The following CAST variants were observed in gnomAD, a reference collection of about 807,000 sequenced individuals.
CAST encodes the protein calpastatin.
In CAST, 76 loss-of-function variants were observed where a neutral mutation model predicts 119.6. That is an observed-to-expected ratio of 0.64 (90% CI 0.53 to 0.77). The LOEUF is 0.77. CAST is among the 30% of genes least tolerant of loss of function. The probability of loss-of-function intolerance (pLI) is 0.00; values close to 1 mark genes in which losing one functional copy is unlikely to be tolerated. For missense variants in CAST, 953 were observed against 946.5 expected, an observed-to-expected ratio of 1.01 and a Z score of -0.09; for synonymous variants, 319 against 331.6, an observed-to-expected ratio of 0.96 and a Z score of 0.41.
At chr5:96,469,867 A>G in the CAST span, among the ~76,000 whole-genome samples, 38 of 102,314 alleles carry the variant, frequency 3.7e-4, no homozygotes, top group South Asian at 5.8e-3. Context: ...ATGTGTGTGT[A>G]TATATATATA....
the CAST span, among the ~76,000 whole-genome samples, chr5:96,477,998 T>C: frequency 5.3e-5 from 8 of 152,340 alleles, no homozygotes; most frequent in African/African-American, 1.9e-4. Flanking sequence ...TGCCCCTGAT[T>C]CACATGGCTA....
At chr5:96,174,045 A>C in the CAST span, among the ~76,000 whole-genome samples, 1 of 152,116 alleles carries the variant, frequency 6.6e-6, no homozygotes, top group East Asian at 1.9e-4. Flanking sequence ...CCCGGCCTGA[A>C]CTTATTTTTT....
intron 24 of CAST, among the ~76,000 whole-genome samples, chr5:96,758,397 A>G (rs1766825592): frequency 1.3e-5 from 2 of 152,316 alleles, no homozygotes; most frequent in South Asian, 4.1e-4. Flanking sequence ...TAGGATTTTC[A>G]TGGCTTTTTA....
the CAST span, among the ~76,000 whole-genome samples, chr5:96,134,782 C>T: frequency 3.9e-5 from 6 of 152,168 alleles, no homozygotes; most frequent in Admixed American, 6.5e-5. Flanking sequence ...AGTGGCAATA[C>T]AGCAGTGAAA....
the CAST span, among the ~76,000 whole-genome samples, chr5:96,247,074 T>C: frequency 1.3e-5 from 2 of 152,222 alleles, no homozygotes; most frequent in African/African-American, 4.8e-5. Flanking sequence ...TGAATTTTAT[T>C]TGGGGTTTGA....
chr5:96,630,133 C>T (rs946443997), intron 1 of CAST, among the ~76,000 whole-genome samples: 2 of 152,212 alleles, frequency 1.3e-5, no homozygotes, highest in African/African-American at 2.4e-5. Context: ...TTGAATAAAA[C>T]AATCATGTTC....
chr5:96,332,201 C>T, the CAST span, among the ~76,000 whole-genome samples: 2 of 152,166 alleles, frequency 1.3e-5, no homozygotes, highest in African/African-American at 4.8e-5. Context: ...CAGGGGTAGC[C>T]ACGGAGGGTA....
the CAST span, among the ~76,000 whole-genome samples, chr5:96,387,417 G>C: frequency 6.6e-6 from 1 of 152,154 alleles, no homozygotes; most frequent in African/African-American, 2.4e-5. Flanking sequence ...AGATAAACAA[G>C]ATGGGTTTGA....
intron 1 of CAST, among the ~76,000 whole-genome samples, chr5:96,632,951 A>AT (rs1346665658): frequency 6.6e-6 from 1 of 151,942 alleles, no homozygotes; most frequent in Non-Finnish European, 1.5e-5. Flanking sequence ...TCCATATGTC[A>AT]TTTTTTTAAA....
At chr5:96,380,357 T>G in the CAST span, among the ~76,000 whole-genome samples, 4 of 152,322 alleles carry the variant, frequency 2.6e-5, no homozygotes, top group Non-Finnish European at 4.4e-5. Context: ...AATATATGCC[T>G]TTTAAGTTGG....
At chr5:96,491,270 G>A in the CAST span, among the ~76,000 whole-genome samples, 2 of 151,560 alleles carry the variant, frequency 1.3e-5, no homozygotes, top group Non-Finnish European at 2.9e-5. Context: ...TGGATCACGA[G>A]GTCAGGAGAT....
At chr5:96,673,001 G>A (rs1409383372) in intron 1 of CAST, among the ~76,000 whole-genome samples, 1 of 152,196 alleles carries the variant, frequency 6.6e-6, no homozygotes, top group Non-Finnish European at 1.5e-5. Flanking sequence ...AGAAAGCAGA[G>A]TGAGACTCTG....
At chr5:96,357,850 G>A in the CAST span, among the ~76,000 whole-genome samples, 1 of 152,186 alleles carries the variant, frequency 6.6e-6, no homozygotes, top group Admixed American at 6.5e-5. Context: ...CTCATATAAT[G>A]AGTTAGATAG....
At chr5:96,050,361 A>C in the CAST span, among the ~76,000 whole-genome samples, 1 of 151,706 alleles carries the variant, frequency 6.6e-6, no homozygotes, top group Non-Finnish European at 1.5e-5. Context: ...GACAGAAAGA[A>C]TTCTGAAGTA....
At chr5:96,238,357 T>TCTTCTTCTCCTTCTTCTCCTTCTTCTC in the CAST span, among the ~76,000 whole-genome samples, 10 of 79,686 alleles carry the variant, frequency 1.3e-4, no homozygotes, top group African/African-American at 3.1e-4. Context: ...ATCTTCATCT[T>TCTTCTTCTCCTTCTTCTCCTTCTTCTC]CTTCTTCTCC....
chr5:96,089,543 G>A, the CAST span, among the ~76,000 whole-genome samples: 1 of 152,172 alleles, frequency 6.6e-6, no homozygotes, highest in Non-Finnish European at 1.5e-5. Flanking sequence ...AAAGGATAAG[G>A]TGGGTCTAAA....
At chr5:96,495,876 A>G in the CAST span, among the ~76,000 whole-genome samples, 1 of 152,252 alleles carries the variant, frequency 6.6e-6, no homozygotes, top group Non-Finnish European at 1.5e-5. Context: ...CAGATCTTCA[A>G]TGCAGAGGCC....
chr5:96,196,512 T>C, the CAST span, among the ~76,000 whole-genome samples: 26,882 of 152,108 alleles, frequency 0.18, 3,991 homozygotes, highest in African/African-American at 0.4. Flanking sequence ...TAGTTAGTGA[T>C]AGATTATTGG....
the CAST span, among the ~76,000 whole-genome samples, chr5:95,986,972 G>A: frequency 2.0e-5 from 3 of 152,146 alleles, no homozygotes; most frequent in African/African-American, 7.2e-5. Context: ...AGATGGAGAG[G>A]ATGAAGCAGA....
Sources: gnomAD v4.1 joint callset for allele counts (sites outside exome capture counted in the v4.1 genomes callset) on GRCh38, gnomAD v4.1.1 for gene constraint, MANE v1.5 for transcripts, NCBI Gene and HGNC (gene_info 2026-07-23, HGNC 2026-07-21) for gene names.